The following ADCY9 variants were observed in gnomAD, a reference collection of about 807,000 sequenced individuals.
ADCY9 encodes the protein adenylate cyclase 9.
In ADCY9, 50 loss-of-function variants were observed where a neutral mutation model predicts 101.5. The observed-to-expected ratio is 0.49, with a 90% confidence interval of 0.39 to 0.62. The LOEUF is 0.62. Ranked by LOEUF, ADCY9 falls within the 20% of genes least tolerant of loss-of-function variation. ADCY9 has a pLI of 0.00. For missense variants in ADCY9, 1,662 were observed against 1,800.4 expected, an observed-to-expected ratio of 0.92 and a Z score of 1.39; for synonymous variants, 905 against 769.3, an observed-to-expected ratio of 1.18 and a Z score of -2.92.
chr16:3,976,219 T>C (rs2056091391), intron 9 of ADCY9, among the ~76,000 whole-genome samples: 1 of 152,188 alleles, frequency 6.6e-6, no homozygotes, highest in African/African-American at 2.4e-5. Context: ...CTTGAACTCC[T>C]GAGCTCAGAC....
intron 8 of ADCY9, among the ~76,000 whole-genome samples, chr16:3,978,603 G>C (rs2056113097): frequency 6.6e-6 from 1 of 152,256 alleles, no homozygotes; most frequent in South Asian, 2.1e-4. Flanking sequence ...GGACTCCCCA[G>C]CCCGGCCACT....
intron 7 of ADCY9, 92 bp downstream of exon 7, chr16:3,983,140 G>A: frequency 8.2e-7 from 1 of 1,219,870 alleles, no homozygotes; most frequent in Non-Finnish European, 1.1e-6. Context: ...ACAGCTGGCT[G>A]GGGACCAGTC....
At chr16:3,994,187 G>A (rs547503377) in intron 3 of ADCY9, among the ~76,000 whole-genome samples, 3 of 152,084 alleles carry the variant, frequency 2.0e-5, no homozygotes, top group East Asian at 1.9e-4. Context: ...GGAATCCCTC[G>A]TCCCTTCGCC....
At chr16:4,023,067 A>G (rs1350967440) in intron 2 of ADCY9, among the ~76,000 whole-genome samples, 5 of 152,190 alleles carry the variant, frequency 3.3e-5, no homozygotes, top group Admixed American at 3.3e-4. Context: ...CGTGGAGATC[A>G]AGGAAGGGCA....
At chr16:4,010,200 G>A (rs1342109912) in intron 2 of ADCY9, among the ~76,000 whole-genome samples, 5 of 152,222 alleles carry the variant, frequency 3.3e-5, no homozygotes, top group Non-Finnish European at 7.3e-5. Flanking sequence ...GGCTGCCTCT[G>A]AAACCCAGGA....
intron 2 of ADCY9, among the ~76,000 whole-genome samples, chr16:4,051,902 G>A (rs1022860859): frequency 1.3e-5 from 2 of 152,204 alleles, no homozygotes; most frequent in African/African-American, 4.8e-5. Context: ...GATATTTTCC[G>A]AGTCCCCAAA....
intron 8 of ADCY9, among the ~76,000 whole-genome samples, chr16:3,978,052 C>G (rs1027936254): frequency 6.6e-6 from 1 of 152,228 alleles, no homozygotes; most frequent in South Asian, 2.1e-4. Flanking sequence ...AAAATATCAC[C>G]GATACCAGCT....
In ADCY9 at chr16:4,038,751, C is replaced by T. The variant is rs147052998; in HGVS notation, c.1694-31193G>A. Among the ~76,000 whole-genome samples the T allele has an allele frequency of 8.9e-4, 136 of 152,122 alleles. 4 individuals carry two copies. The East Asian group carries it at 0.025, about 28-fold the overall frequency. ...CCCCAACCATCCAAACCAGAAGCCT[C>T]CAGGTCACTTTCTTCTCCTTCCTTT... On this transcript the variant is annotated intron_variant, in intron 2 of 10. Transcript: ENST00000294016.
intron 2 of ADCY9, among the ~76,000 whole-genome samples, chr16:4,053,504 C>T (rs892264189): frequency 7.9e-5 from 12 of 152,148 alleles, no homozygotes; most frequent in South Asian, 2.1e-4. Flanking sequence ...GCGAGCCCGC[C>T]GTCTATTTAT....
chr16:4,027,137 T>G (rs2601817), intron 2 of ADCY9, among the ~76,000 whole-genome samples: 111,751 of 152,126 alleles, frequency 0.73, 41,555 homozygotes, highest in East Asian at 0.96. Flanking sequence ...TAACCAATGG[T>G]AAACCTCTAC....
Position 4,068,633 on chromosome 16 carries a change from T to G in ADCY9, c.1693+45117A>C, listed in dbSNP as rs527583715. On this transcript the variant is annotated intron_variant, in intron 2 of 10. Coordinates refer to ENST00000294016, the MANE Select transcript of ADCY9 (RefSeq NM_001116.4). The stretch of plus-strand genomic sequence containing the variant: ...ATCGAGACCATCCTGGCTAACACGG[T>G]GAAACCCCGTCTCTACTAAAAATAC... 7.2e-5 allele frequency among the ~76,000 whole-genome samples: 11 copies of G among 152,008 alleles called. No individual in the cohort carries two copies. In the South Asian group the frequency reaches 2.3e-3, roughly 32 times the overall value.
intron 10 of ADCY9, among the ~76,000 whole-genome samples, chr16:3,968,434 G>C (rs1218472950): frequency 2.6e-5 from 4 of 152,004 alleles, no homozygotes; most frequent in Non-Finnish European, 4.4e-5. Context: ...GCCTGGCCTT[G>C]GTTCTTAGAT....
chr16:3,975,921 C>T (rs2056088969), intron 9 of ADCY9, among the ~76,000 whole-genome samples: 1 of 152,310 alleles, frequency 6.6e-6, no homozygotes. Flanking sequence ...TCCAACAACA[C>T]ATTTAGTTGA....
rs181251450 is a variant in ADCY9 at position 4,085,929 on chromosome 16, C to T, written c.1693+27821G>A. Among the ~76,000 whole-genome samples, 10 of 151,678 alleles carry T rather than the reference C, an allele frequency of 6.6e-5. No homozygotes were observed. The East Asian group carries it at 1.9e-3, about 29-fold the overall frequency. On this transcript the variant is annotated intron_variant, in intron 2 of 10. Transcript: ENST00000294016. ...GGGTGCTGGTGTTCAGGGTGGTGTG[C>T]GGACATCCATTCATTTATTGCATAA...
At chr16:4,081,336 G>C (rs187607744) in intron 2 of ADCY9, among the ~76,000 whole-genome samples, 6 of 152,318 alleles carry the variant, frequency 3.9e-5, no homozygotes, top group Admixed American at 2.6e-4. Context: ...ACCATCCTCA[G>C]AACCAGCAGT....
intron 2 of ADCY9, 32 bp from the exon 3 acceptor site, chr16:4,007,590 A>T: frequency 6.4e-7 from 1 of 1,558,868 alleles, no homozygotes; most frequent in Non-Finnish European, 8.7e-7. Flanking sequence ...GTCAGCACAG[A>T]TTGAAAGCAC....
intron 3 of ADCY9, among the ~76,000 whole-genome samples, chr16:4,006,930 T>C (rs965203143): frequency 1.3e-5 from 2 of 152,114 alleles, no homozygotes; most frequent in African/African-American, 4.8e-5. Flanking sequence ...CACACCAACA[T>C]CATTTCAAGT....
At chr16:3,954,447 G>T (rs938483896) in intron 5 of ADCY9, among the ~76,000 whole-genome samples, 1 of 152,158 alleles carries the variant, frequency 6.6e-6, no homozygotes, top group African/African-American at 2.4e-5. Flanking sequence ...TTTCTGAGCC[G>T]GGATCAGGCC....
intron 2 of ADCY9, among the ~76,000 whole-genome samples, chr16:4,054,491 C>G (rs532357375): frequency 6.6e-6 from 1 of 152,256 alleles, no homozygotes; most frequent in Non-Finnish European, 1.5e-5. Flanking sequence ...CTGCCCATTT[C>G]GCAAACCTTC....
Sources: gnomAD v4.1 joint callset for allele counts (sites outside exome capture counted in the v4.1 genomes callset) on GRCh38, gnomAD v4.1.1 for gene constraint, MANE v1.5 for transcripts, NCBI Gene and HGNC (gene_info 2026-07-23, HGNC 2026-07-21) for gene names.